The following FGF12 variants were observed in gnomAD, a reference collection of about 807,000 sequenced individuals.
The protein encoded by FGF12 is fibroblast growth factor 12B.
A neutral mutation model predicts 23.6 loss-of-function variants in FGF12; 14 were observed. The ratio of observed to expected loss-of-function variants is 0.59; its 90% CI spans 0.39 to 0.93. FGF12 has a LOEUF of 0.93. Among genes scored for constraint, FGF12 ranks in the 40% least tolerant of loss-of-function variants. The probability of loss-of-function intolerance (pLI) is 0.00; values close to 1 mark genes in which losing one functional copy is unlikely to be tolerated. For missense variants in FGF12, 175 were observed against 217.8 expected, an observed-to-expected ratio of 0.80 and a Z score of 1.24; for synonymous variants, 62 against 77.3, an observed-to-expected ratio of 0.80 and a Z score of 1.04.
At chr3:192,475,339 AG>A (rs1723286307) in intron 2 of FGF12, among the ~76,000 whole-genome samples, 3 of 152,152 alleles carry the variant, frequency 2.0e-5, no homozygotes, top group Admixed American at 2.0e-4. Flanking sequence ...CCCATATCCA[AG>A]GAAGACCTTT....
intron 2 of FGF12, among the ~76,000 whole-genome samples, chr3:192,512,248 G>GA (rs938115912): frequency 1.3e-5 from 2 of 151,558 alleles, no homozygotes; most frequent in African/African-American, 4.8e-5. Context: ...TTTGCTCTGT[G>GA]AAAAAAAATG....
At chr3:192,148,233 G>A (rs1002683804) in intron 5 of FGF12, among the ~76,000 whole-genome samples, 4 of 152,080 alleles carry the variant, frequency 2.6e-5, no homozygotes, top group Non-Finnish European at 5.9e-5. Flanking sequence ...CAAATGAATG[G>A]GTAAATATAA....
At chr3:192,378,352 C>G (rs142516460) in intron 2 of FGF12, among the ~76,000 whole-genome samples, 3,516 of 149,942 alleles carry the variant, frequency 0.023, 398 homozygotes, top group African/African-American at 0.085. Flanking sequence ...CTCATGCCAT[C>G]CACCCACCTC....
intron 2 of FGF12, among the ~76,000 whole-genome samples, chr3:192,637,248 T>C (rs2108661350): frequency 6.6e-6 from 1 of 152,324 alleles, no homozygotes; most frequent in South Asian, 2.1e-4. Flanking sequence ...AATAGCCATG[T>C]TCTGCACCTC....
intron 5 of FGF12, among the ~76,000 whole-genome samples, chr3:192,160,960 G>T (rs73191569): frequency 1.3e-5 from 2 of 152,036 alleles, no homozygotes; most frequent in East Asian, 1.9e-4. Context: ...TATTTATCAA[G>T]CTCCTTTAGT....
intron 2 of FGF12, among the ~76,000 whole-genome samples, chr3:192,695,713 G>A (rs188455551): frequency 2.6e-5 from 4 of 152,206 alleles, no homozygotes; most frequent in Admixed American, 2.0e-4. Flanking sequence ...GATTCCTATG[G>A]ATGAGGGGTT....
intron 2 of FGF12, among the ~76,000 whole-genome samples, chr3:192,723,702 C>T (rs1719109856): frequency 6.6e-6 from 1 of 151,964 alleles, no homozygotes; most frequent in African/African-American, 2.4e-5. Context: ...ACTAATTAAA[C>T]TCACATTATT....
chr3:192,607,335 C>T (rs1714375790), intron 2 of FGF12, among the ~76,000 whole-genome samples: 1 of 152,056 alleles, frequency 6.6e-6, no homozygotes, highest in Non-Finnish European at 1.5e-5. Context: ...AGAGAAGGTG[C>T]TTCAACACCA....
At chr3:192,567,793 C>CTTTCTTTCTTTCTT (rs1553831696) in intron 2 of FGF12, among the ~76,000 whole-genome samples, 1 of 129,646 alleles carries the variant, frequency 7.7e-6, no homozygotes, top group Non-Finnish European at 1.7e-5. Flanking sequence ...TTCTTTCTTT[C>CTTTCTTTCTTTCTT]TTTCTTTCTC....
intron 2 of FGF12, among the ~76,000 whole-genome samples, chr3:192,541,354 T>C (rs1725359747): frequency 6.6e-6 from 1 of 152,318 alleles, no homozygotes; most frequent in Admixed American, 6.5e-5. Flanking sequence ...TAACCCATTA[T>C]TTTAAATTAA....
At chr3:192,225,308 T>C (rs1161479773) in intron 4 of FGF12, among the ~76,000 whole-genome samples, 1 of 152,082 alleles carries the variant, frequency 6.6e-6, no homozygotes, top group Non-Finnish European at 1.5e-5. Flanking sequence ...CTCTATTCCA[T>C]CGTCATTCTC....
rs374295705 is a variant in FGF12 at position 192,666,909 on chromosome 3, TAGATAGA to T, written c.13+60265_13+60271del. On this transcript the variant is annotated intron_variant, in intron 2 of 5. Transcript: ENST00000445105. ...TAGTTTAGATGGATGGATAGTTGGA[TAGATAGA>T]TGATAGATAGATAGATAGATAGATA... Among the ~76,000 whole-genome samples, 544 of 140,436 alleles carry T rather than the reference TAGATAGA, an allele frequency of 3.9e-3. 4 individuals carry two copies. Among genetic ancestry groups the T allele is most frequent in the African/African-American group, 0.014 (522 of 36,380 alleles). The allele number at this position is 140,436 out of a possible 152,430, so 92.1% of individuals were successfully genotyped here. A position where few individuals can be genotyped will look rare whatever the true frequency, so the allele number is the denominator to read the frequency against.
intron 2 of FGF12, among the ~76,000 whole-genome samples, chr3:192,596,949 C>T (rs1309822649): frequency 6.6e-6 from 1 of 152,184 alleles, no homozygotes; most frequent in Non-Finnish European, 1.5e-5. Flanking sequence ...TCAAACAAAT[C>T]TTCATTCTGT....
chr3:192,301,536 T>A (rs980133609), intron 4 of FGF12, among the ~76,000 whole-genome samples: 1 of 152,136 alleles, frequency 6.6e-6, no homozygotes, highest in Non-Finnish European at 1.5e-5. Context: ...CAGGCATTAG[T>A]TAAGTGAGTA....
At chr3:192,159,284 T>C (rs1191039808) in intron 5 of FGF12, among the ~76,000 whole-genome samples, 1 of 152,196 alleles carries the variant, frequency 6.6e-6, no homozygotes, top group Non-Finnish European at 1.5e-5. Context: ...CAATTCTCAT[T>C]TAGCAGCTTG....
chr3:192,298,997 A>G (rs1296276243), intron 4 of FGF12, among the ~76,000 whole-genome samples: 1 of 152,228 alleles, frequency 6.6e-6, no homozygotes, highest in African/African-American at 2.4e-5. Context: ...GAATGGCACC[A>G]GGCAATTCAT....
chr3:192,715,302 A>G (rs539571166), intron 2 of FGF12, among the ~76,000 whole-genome samples: 1 of 152,152 alleles, frequency 6.6e-6, no homozygotes, highest in Non-Finnish European at 1.5e-5. Flanking sequence ...TCCTGTCCCA[A>G]CCCTTACATG....
intron 2 of FGF12, among the ~76,000 whole-genome samples, chr3:192,404,094 A>C (rs1720866695): frequency 6.6e-6 from 1 of 152,190 alleles, no homozygotes; most frequent in Non-Finnish European, 1.5e-5. Flanking sequence ...GTATGAAATC[A>C]AATCTTTAAA....
At chr3:192,416,546 T>G (rs1165029611) in intron 2 of FGF12, among the ~76,000 whole-genome samples, 1 of 152,098 alleles carries the variant, frequency 6.6e-6, no homozygotes, top group African/African-American at 2.4e-5. Context: ...GGACAGATGT[T>G]TGTATGGAGG....
Sources: allele counts gnomAD v4.1 joint callset (sites outside exome capture counted in the v4.1 genomes callset), GRCh38; gene constraint gnomAD v4.1.1; transcripts MANE v1.5; gene names NCBI Gene and HGNC (gene_info 2026-07-23, HGNC 2026-07-21).